EXOC4: variants seen among roughly 807,000 people sequenced by gnomAD.
EXOC4 encodes exocyst complex component 4.
EXOC4 carries 71 observed loss-of-function variants against 107.2 expected under a neutral mutation model. That is an observed-to-expected ratio of 0.66 (90% CI 0.55 to 0.81). The LOEUF (loss-of-function observed/expected upper bound fraction) is 0.81. Among genes scored for constraint, EXOC4 ranks in the 30% least tolerant of loss-of-function variants. The pLI is 0.00. For missense variants in EXOC4, 1,108 were observed against 1,189.6 expected (o/e 0.93, Z 1.01); for synonymous variants, 456 against 441.2 (o/e 1.03, Z -0.42).
intron 10 of EXOC4, among the ~76,000 whole-genome samples, chr7:133,755,405 G>A (rs1378618109): frequency 2.9e-5 from 4 of 138,498 alleles, no homozygotes; most frequent in African/African-American, 1.1e-4. Flanking sequence ...GTGCAGTGGC[G>A]CCATCTCAGC....
intron 10 of EXOC4, among the ~76,000 whole-genome samples, chr7:133,797,317 G>T (rs1430146842): frequency 6.6e-6 from 1 of 151,964 alleles, no homozygotes; most frequent in African/African-American, 2.4e-5. Flanking sequence ...AGAGCTGCAG[G>T]ATTTGAACGT....
intron 10 of EXOC4, among the ~76,000 whole-genome samples, chr7:133,666,007 A>G (rs1793804351): frequency 6.6e-6 from 1 of 152,116 alleles, no homozygotes; most frequent in Non-Finnish European, 1.5e-5. Context: ...TCTTATTTTC[A>G]GTACCAATTT....
At chr7:133,383,061 T>C (rs1262522160) in intron 7 of EXOC4, among the ~76,000 whole-genome samples, 4 of 152,192 alleles carry the variant, frequency 2.6e-5, no homozygotes, top group African/African-American at 7.2e-5. Context: ...TACATGTTTT[T>C]GCCCTTTTGA....
chr7:134,006,964 C>T (rs1020530259), intron 16 of EXOC4, among the ~76,000 whole-genome samples: 1 of 152,134 alleles, frequency 6.6e-6, no homozygotes, highest in African/African-American at 2.4e-5. Flanking sequence ...CCCTCCAGAC[C>T]TAAGAGCAAA....
chr7:133,745,763 T>C lies in EXOC4; in HGVS notation c.1515-71562T>C, dbSNP rs542276180. ...GGTTACTTATCACAATCCACAGTTATAGTATTGGTCTATTTAGTTGGTTTT... is the reference window on the plus strand; with the variant it reads ...GGTTACTTATCACAATCCACAGTTACAGTATTGGTCTATTTAGTTGGTTTT... On this transcript the variant is annotated intron_variant, in intron 10 of 17. Transcript: ENST00000253861. Among the ~76,000 whole-genome samples, 30 of 151,244 alleles carry C rather than the reference T, an allele frequency of 2.0e-4. No individual in the cohort carries two copies. The South Asian group carries it at 4.8e-3, about 24-fold the overall frequency.
intron 1 of EXOC4, among the ~76,000 whole-genome samples, chr7:133,262,821 C>T (rs559837178): frequency 3.3e-5 from 5 of 152,104 alleles, no homozygotes; most frequent in South Asian, 2.1e-4. Context: ...ATGTTAGTGA[C>T]GATGAATATC....
chr7:133,499,536 A>G (rs1261615254), intron 9 of EXOC4, among the ~76,000 whole-genome samples: 2 of 152,144 alleles, frequency 1.3e-5, no homozygotes, highest in Non-Finnish European at 2.9e-5. Flanking sequence ...CTGAGATGGA[A>G]TTATTTAGGG....
chr7:133,443,249 A>G (rs1798144115), intron 7 of EXOC4, among the ~76,000 whole-genome samples: 1 of 152,120 alleles, frequency 6.6e-6, no homozygotes, highest in Non-Finnish European at 1.5e-5. Flanking sequence ...AGACACAGAA[A>G]TGTCCTTTTC....
intron 11 of EXOC4, among the ~76,000 whole-genome samples, chr7:133,855,104 A>AATATAT (rs1201440271): frequency 1.1e-4 from 7 of 61,892 alleles, no homozygotes; most frequent in African/African-American, 2.5e-4. Context: ...TATATATATA[A>AATATAT]ATATATATAA....
chr7:133,500,018 A>G (rs1799548239), intron 9 of EXOC4, among the ~76,000 whole-genome samples: 3 of 152,068 alleles, frequency 2.0e-5, no homozygotes, highest in Admixed American at 2.0e-4. Flanking sequence ...AACATGGCTC[A>G]TGGAGGTTAA....
At chr7:133,276,021 A>G (rs1793982242) in intron 2 of EXOC4, among the ~76,000 whole-genome samples, 1 of 151,996 alleles carries the variant, frequency 6.6e-6, no homozygotes. Flanking sequence ...AATGTGTATT[A>G]AGTTTTATTT....
intron 11 of EXOC4, among the ~76,000 whole-genome samples, chr7:133,838,208 T>C (rs1371488182): frequency 6.6e-6 from 1 of 152,182 alleles, no homozygotes; most frequent in Non-Finnish European, 1.5e-5. Context: ...TACTCGTTGT[T>C]TTTGTACTAG....
At chr7:133,772,439 C>T (rs1171307949) in intron 10 of EXOC4, among the ~76,000 whole-genome samples, 3 of 151,978 alleles carry the variant, frequency 2.0e-5, no homozygotes, top group Non-Finnish European at 2.9e-5. Context: ...CTAAAGTCAT[C>T]TATTCTCACA....
intron 5 of EXOC4, among the ~76,000 whole-genome samples, chr7:133,351,163 T>C (rs1795901122): frequency 6.6e-6 from 1 of 152,008 alleles, no homozygotes; most frequent in South Asian, 2.1e-4. Context: ...GATATTGGTT[T>C]GTAGTTTTAT....
At chr7:134,024,717 G>A (rs1003836544) in intron 17 of EXOC4, among the ~76,000 whole-genome samples, 2 of 152,302 alleles carry the variant, frequency 1.3e-5, no homozygotes, top group African/African-American at 2.4e-5. Flanking sequence ...TGCTTACTGT[G>A]TGGGGGACAA....
At chr7:133,332,724 G>T (rs1035158781) in intron 5 of EXOC4, among the ~76,000 whole-genome samples, 2 of 152,110 alleles carry the variant, frequency 1.3e-5, no homozygotes, top group Admixed American at 1.3e-4. Flanking sequence ...ACAGTTATTT[G>T]CCCTCTTTTT....
intron 9 of EXOC4, among the ~76,000 whole-genome samples, chr7:133,485,261 G>T (rs1799249165): frequency 6.6e-6 from 1 of 151,772 alleles, no homozygotes; most frequent in South Asian, 2.1e-4. Flanking sequence ...AGTCACCAGT[G>T]ACCTCTGCTT....
intron 10 of EXOC4, among the ~76,000 whole-genome samples, chr7:133,783,119 G>C (rs1796501723): frequency 6.6e-6 from 1 of 152,162 alleles, no homozygotes; most frequent in Admixed American, 6.5e-5. Flanking sequence ...CTGATATATG[G>C]TAGCATTAAT....
chr7:133,610,867 A>C (rs1274400222), intron 9 of EXOC4, among the ~76,000 whole-genome samples: 1 of 150,242 alleles, frequency 6.7e-6, no homozygotes, highest in Non-Finnish European at 1.5e-5. Flanking sequence ...GTTGCCGTGC[A>C]GTGACGTGAT....
Sources: allele counts gnomAD v4.1 joint callset (sites outside exome capture counted in the v4.1 genomes callset), GRCh38; gene constraint gnomAD v4.1.1; transcripts MANE v1.5; gene names NCBI Gene and HGNC (gene_info 2026-07-23, HGNC 2026-07-21).